Variants in RHOJ observed in about 807,000 individuals in gnomAD.
RHOJ encodes the protein rho-related GTP-binding protein RhoJ.
A neutral mutation model predicts 23.4 loss-of-function variants in RHOJ; 11 were observed. That is an observed-to-expected ratio of 0.47 (90% confidence interval 0.30 to 0.78). The LOEUF (loss-of-function observed/expected upper bound fraction) is 0.78, where lower values mean the gene tolerates loss of function less well. RHOJ is among the 30% of genes least tolerant of loss of function. The probability of loss-of-function intolerance (pLI) is 0.08; values close to 1 mark genes in which losing one functional copy is unlikely to be tolerated. For missense variants in RHOJ, 254 were observed against 273.4 expected (o/e 0.93, Z 0.50); for synonymous variants, 102 against 102.7 (o/e 0.99, Z 0.04).
At chr14:63,227,367 TAAAC>T (rs1215959395) in intron 1 of RHOJ, among the ~76,000 whole-genome samples, 4 of 152,088 alleles carry the variant, frequency 2.6e-5, no homozygotes, top group African/African-American at 9.7e-5. Context: ...CTTGGGGAAA[TAAAC>T]TAATATATTT....
intron 3 of RHOJ, 33 bp downstream of exon 3, chr14:63,281,168 G>A (rs1186760708): frequency 1.3e-6 from 2 of 1,566,804 alleles, no homozygotes; most frequent in Middle Eastern, 1.8e-4. Flanking sequence ...GGTGGAGCGG[G>A]CTGCAAAAAT....
intron 1 of RHOJ, among the ~76,000 whole-genome samples, chr14:63,211,369 G>A (rs758890350): frequency 5.9e-5 from 9 of 152,214 alleles, no homozygotes; most frequent in Admixed American, 1.3e-4. Flanking sequence ...GGAAGCCAAC[G>A]CACAAGGATC....
intron 4 of RHOJ, chr14:63,284,295 A>G: frequency 1.0e-6 from 1 of 985,120 alleles, no homozygotes; most frequent in Non-Finnish European, 1.2e-6. Context: ...AACCTCTCAC[A>G]ACACCTGATC....
At chr14:63,256,510 T>C (rs1895168367) in intron 1 of RHOJ, among the ~76,000 whole-genome samples, 1 of 152,198 alleles carries the variant, frequency 6.6e-6, no homozygotes, top group Non-Finnish European at 1.5e-5. Flanking sequence ...GTCAGTATGC[T>C]ACTGCAGCTC....
Position 63,290,981 on chromosome 14 carries a change from A to G in RHOJ, c.602A>G (p.Lys201Arg). The G allele has an allele frequency of 6.2e-7, 1 of 1,614,214 alleles. No homozygotes were observed. Among genetic ancestry groups the G allele is most frequent in the Non-Finnish European group, 8.5e-7 (1 of 1,180,032 alleles). ...ACCATTTTCCACCCCAAGAAAAAGA[A>G]GAAACGCTGTTCTGAGGGTCACAGC... ...ILTIFHPKKKKKRCSEGHSCC... is the reference protein window; with the variant it reads ...ILTIFHPKKKRKRCSEGHSCC... Residue 201 changes from lysine (K) to arginine (R), a missense_variant, in exon 5 of 5, where the codon AAG becomes AGG. Coordinates refer to ENST00000316754, the MANE Select transcript of RHOJ (RefSeq NM_020663.5).
chr14:63,241,279 T>C (rs1010807525), intron 1 of RHOJ, among the ~76,000 whole-genome samples: 2 of 152,172 alleles, frequency 1.3e-5, no homozygotes, highest in Admixed American at 1.3e-4. Context: ...CTAAGTTTTC[T>C]GGGAAAGCAG....
intron 1 of RHOJ, among the ~76,000 whole-genome samples, chr14:63,253,871 T>C (rs566067504): frequency 2.2e-4 from 34 of 152,360 alleles, no homozygotes; most frequent in African/African-American, 7.9e-4. Context: ...AATATCCATT[T>C]ATTTTCACTA....
intron 2 of RHOJ, among the ~76,000 whole-genome samples, chr14:63,279,861 T>A (rs1881843979): frequency 6.6e-6 from 1 of 152,122 alleles, no homozygotes. Flanking sequence ...TTGGATATAA[T>A]TTTTTTTAAT....
intron 1 of RHOJ, among the ~76,000 whole-genome samples, chr14:63,209,215 CT>C (rs1440783057): frequency 1.3e-5 from 2 of 152,164 alleles, no homozygotes; most frequent in Non-Finnish European, 2.9e-5. Flanking sequence ...ATCTTGCCCC[CT>C]ATCATCAATT....
At chr14:63,233,864 A>G (rs1452670995) in intron 1 of RHOJ, among the ~76,000 whole-genome samples, 1 of 152,164 alleles carries the variant, frequency 6.6e-6, no homozygotes, top group Non-Finnish European at 1.5e-5. Context: ...CCTCTGACCA[A>G]TATCATCCAG....
chr14:63,205,979 T>C (rs1894100759), intron 1 of RHOJ, among the ~76,000 whole-genome samples: 1 of 152,244 alleles, frequency 6.6e-6, no homozygotes. Flanking sequence ...ATAGTGATCT[T>C]TATCAGAGAT....
chr14:63,262,183 A>T (rs1019215388), intron 1 of RHOJ, among the ~76,000 whole-genome samples: 2 of 152,186 alleles, frequency 1.3e-5, no homozygotes, highest in Non-Finnish European at 2.9e-5. Context: ...CCAATGAGGA[A>T]GGGGCTTTGA....
chr14:63,255,513 A>G (rs1895146864), intron 1 of RHOJ, among the ~76,000 whole-genome samples: 1 of 152,196 alleles, frequency 6.6e-6, no homozygotes, highest in African/African-American at 2.4e-5. Flanking sequence ...CCACCAGACC[A>G]TCTGAAATAG....
At chr14:63,281,879 T>C (rs1881910124) in intron 3 of RHOJ, among the ~76,000 whole-genome samples, 1 of 152,254 alleles carries the variant, frequency 6.6e-6, no homozygotes, top group Non-Finnish European at 1.5e-5. Context: ...ATACGAATAC[T>C]GAAGGGCTTC....
chr14:63,239,022 C>T lies in RHOJ; in HGVS notation c.179-30088C>T, dbSNP rs191158761. On this transcript the variant is annotated intron_variant, in intron 1 of 4. Transcript: ENST00000316754. The stretch of plus-strand genomic sequence containing the variant: ...CCTAGGCTGGAAAGTGGGGGCCCAA[C>T]TTAGCATGCGGTCTCTCCAGGTCAT... Among the ~76,000 whole-genome samples the T allele has an allele frequency of 1.4e-3, 208 of 152,332 alleles. 1 individual carries two copies. Among genetic ancestry groups the T allele is most frequent in the Middle Eastern group, 3.4e-3 (1 of 294 alleles).
chr14:63,223,116 T>C (rs962208545), intron 1 of RHOJ, among the ~76,000 whole-genome samples: 3 of 152,226 alleles, frequency 2.0e-5, no homozygotes, highest in Non-Finnish European at 4.4e-5. Context: ...ACAGAATTCA[T>C]AGATGCAAGT....
intron 1 of RHOJ, among the ~76,000 whole-genome samples, chr14:63,242,377 T>C (rs566893010): frequency 6.6e-6 from 1 of 152,296 alleles, no homozygotes; most frequent in African/African-American, 2.4e-5. Context: ...CTGGGCACCA[T>C]GTAACATAGC....
At chr14:63,230,351 T>G (rs17224419) in intron 1 of RHOJ, among the ~76,000 whole-genome samples, 16,019 of 152,110 alleles carry the variant, frequency 0.11, 1,040 homozygotes, top group East Asian at 0.27. Flanking sequence ...CTGACTTTGG[T>G]GTTTTCTAGT....
At chr14:63,269,600 G>T (rs1387150218) in intron 2 of RHOJ, among the ~76,000 whole-genome samples, 1 of 152,104 alleles carries the variant, frequency 6.6e-6, no homozygotes, top group East Asian at 1.9e-4. Flanking sequence ...AAAAGAGATT[G>T]GTGGGGGTGA....
Sources: allele counts gnomAD v4.1 joint callset (sites outside exome capture counted in the v4.1 genomes callset), GRCh38; gene constraint gnomAD v4.1.1; transcripts MANE v1.5; gene names NCBI Gene and HGNC (gene_info 2026-07-23, HGNC 2026-07-21).